MAP3K1: variants seen among roughly 807,000 people sequenced by gnomAD.
MAP3K1 encodes MAP/ERK kinase kinase 1.
A neutral mutation model predicts 144.2 loss-of-function variants in MAP3K1; 36 were observed. The observed-to-expected ratio is 0.25, with a 90% CI of 0.19 to 0.33. The LOEUF is 0.33. MAP3K1 is among the 10% of genes least tolerant of loss of function. The pLI, the probability that MAP3K1 is intolerant of heterozygous loss-of-function variation, is 1.00. For synonymous variants in MAP3K1, 718 were observed against 688.7 expected, an observed-to-expected ratio of 1.04 and a Z score of -0.67; for missense variants, 1,650 against 1,881.9, an observed-to-expected ratio of 0.88 and a Z score of 2.28.
At chr5:56,867,959 CGAT>C (rs1747727328) in intron 6 of MAP3K1, among the ~76,000 whole-genome samples, 1 of 152,006 alleles carries the variant, frequency 6.6e-6, no homozygotes, top group South Asian at 2.1e-4. Context: ...GGGAAAATGT[CGAT>C]AAGTAAAACC....
intron 9 of MAP3K1, among the ~76,000 whole-genome samples, chr5:56,874,439 T>A (rs1248398274): frequency 6.6e-6 from 1 of 152,204 alleles, no homozygotes; most frequent in Non-Finnish European, 1.5e-5. Context: ...ACACAAGCAT[T>A]TTTTCTTCAG....
At chr5:56,861,417 C>A (rs1162010871) in intron 3 of MAP3K1, among the ~76,000 whole-genome samples, 1 of 151,806 alleles carries the variant, frequency 6.6e-6, no homozygotes, top group East Asian at 1.9e-4. Flanking sequence ...ACTAAAAATA[C>A]AAAAATTAGC....
intron 1 of MAP3K1, among the ~76,000 whole-genome samples, chr5:56,835,776 T>G (rs1746636175): frequency 6.6e-6 from 1 of 151,828 alleles, no homozygotes; most frequent in South Asian, 2.1e-4. Context: ...AAAGTTTTAT[T>G]TGTGGTTAAA....
chr5:56,877,273 A>G (rs1403855228), intron 10 of MAP3K1, among the ~76,000 whole-genome samples: 2 of 152,224 alleles, frequency 1.3e-5, no homozygotes, highest in African/African-American at 4.8e-5. Context: ...CCTTTTCTGC[A>G]AAGCCTTTGC....
At chr5:56,840,869 G>GT (rs1746791062) in intron 1 of MAP3K1, among the ~76,000 whole-genome samples, 1 of 147,840 alleles carries the variant, frequency 6.8e-6, no homozygotes, top group African/African-American at 2.5e-5. Flanking sequence ...AAATTGTTAA[G>GT]GTTTTTTTTT....
intron 5 of MAP3K1, 55 bp from the exon 6 acceptor site, chr5:56,865,774 T>A: frequency 4.5e-6 from 7 of 1,564,406 alleles, no homozygotes; most frequent in Non-Finnish European, 5.3e-6. Flanking sequence ...CTAGAACTCT[T>A]CATATGTATA....
At chr5:56,824,419 T>C (rs115189646) in intron 1 of MAP3K1, among the ~76,000 whole-genome samples, 1,750 of 152,270 alleles carry the variant, frequency 0.011, 21 homozygotes, top group South Asian at 0.017. Context: ...ATGCAGCAAT[T>C]AGAAGCAGCC....
At chr5:56,844,861 A>C (rs1746942886) in intron 1 of MAP3K1, among the ~76,000 whole-genome samples, 1 of 124,422 alleles carries the variant, frequency 8.0e-6, no homozygotes, top group South Asian at 4.0e-4. Context: ...CAAAGCATAA[A>C]GAAGAAAAGC....
intron 2 of MAP3K1, among the ~76,000 whole-genome samples, chr5:56,858,864 G>A (rs890476773): frequency 1.3e-5 from 2 of 152,028 alleles, no homozygotes; most frequent in African/African-American, 4.8e-5. Flanking sequence ...GGTGCTGCAG[G>A]CTGGAGATGA....
At chr5:56,830,811 A>G (rs565924320) in intron 1 of MAP3K1, among the ~76,000 whole-genome samples, 19 of 151,876 alleles carry the variant, frequency 1.3e-4, no homozygotes, top group African/African-American at 4.6e-4. Flanking sequence ...GCTAAATCTT[A>G]TATTGGTTAA....
intron 1 of MAP3K1, among the ~76,000 whole-genome samples, chr5:56,828,360 C>G (rs1164246700): frequency 1.3e-5 from 2 of 152,160 alleles, no homozygotes; most frequent in African/African-American, 4.8e-5. Flanking sequence ...TACATAATCT[C>G]TCAGTTCCAT....
At chr5:56,849,117 C>T (rs192698099) in intron 1 of MAP3K1, among the ~76,000 whole-genome samples, 17 of 152,194 alleles carry the variant, frequency 1.1e-4, no homozygotes, top group Non-Finnish European at 2.1e-4. Flanking sequence ...GAGGCCAGGG[C>T]GGGCAGAGTG....
At chr5:56,850,581 T>C (rs1436300422) in intron 1 of MAP3K1, among the ~76,000 whole-genome samples, 1 of 152,188 alleles carries the variant, frequency 6.6e-6, no homozygotes, top group African/African-American at 2.4e-5. Flanking sequence ...TGACTTCTTG[T>C]AAAAACAAAC....
chr5:56,875,400 C>G (rs1314631751), intron 10 of MAP3K1, 90 bp downstream of exon 10: 1 of 1,412,516 alleles, frequency 7.1e-7, no homozygotes, highest in Non-Finnish European at 9.8e-7. Flanking sequence ...AATAAAGCTA[C>G]TTTACCTAAT....
Position 56,871,852 on chromosome 5 carries a change from T to C in MAP3K1, c.1302-58T>C, listed in dbSNP as rs913033036. On this transcript the variant is annotated intron_variant, in intron 6 of 19. Coordinates refer to ENST00000399503, the MANE Select transcript of MAP3K1 (RefSeq NM_005921.2). ...AAGCAAGCAGAAAGTGTTTTTAGCA[T>C]ATCCGTTCTACTTTATATTCTTTTA... is the stretch of plus-strand genomic sequence containing the variant. 7 of 1,549,442 alleles carry C rather than the reference T, an allele frequency of 4.5e-6. No homozygotes were observed. The African/African-American group carries it at 9.5e-5, about 21-fold the overall frequency.
intron 1 of MAP3K1, among the ~76,000 whole-genome samples, chr5:56,822,873 T>C (rs1216149625): frequency 6.6e-6 from 1 of 152,184 alleles, no homozygotes; most frequent in Non-Finnish European, 1.5e-5. Context: ...GAGTCACCCT[T>C]GACACCTCCT....
chr5:56,892,261 G>T (rs1326190388), intron 19 of MAP3K1, among the ~76,000 whole-genome samples: 2 of 152,108 alleles, frequency 1.3e-5, no homozygotes, highest in Non-Finnish European at 2.9e-5. Context: ...TTGTAAGTTG[G>T]ATTCCTAGGT....
intron 14 of MAP3K1, among the ~76,000 whole-genome samples, chr5:56,883,078 T>C (rs985871175): frequency 1.3e-5 from 2 of 152,152 alleles, no homozygotes; most frequent in Non-Finnish European, 1.5e-5. Context: ...GGGTCCCAGC[T>C]ACTCAGGAAG....
At chr5:56,891,693 T>C (rs1392572974) in intron 19 of MAP3K1, among the ~76,000 whole-genome samples, 1 of 152,242 alleles carries the variant, frequency 6.6e-6, no homozygotes, top group Non-Finnish European at 1.5e-5. Flanking sequence ...AAGTCTTTAA[T>C]CCATCTTGAA....
Sources: allele counts gnomAD v4.1 joint callset (sites outside exome capture counted in the v4.1 genomes callset), GRCh38; gene constraint gnomAD v4.1.1; transcripts MANE v1.5; gene names NCBI Gene and HGNC (gene_info 2026-07-23, HGNC 2026-07-21).